Variants in ATCAY observed in about 807,000 individuals in gnomAD.
The protein encoded by ATCAY is caytaxin.
A neutral mutation model predicts 47.7 loss-of-function variants in ATCAY; 22 were observed. That is an observed-to-expected ratio of 0.46 (90% CI 0.33 to 0.66). The LOEUF (loss-of-function observed/expected upper bound fraction) is 0.66. Among genes scored for constraint, ATCAY ranks in the 30% least tolerant of loss-of-function variants. ATCAY has a pLI of 0.02. For missense variants in ATCAY, 452 were observed against 515.0 expected (o/e 0.88, Z 1.18); for synonymous variants, 216 against 207.6 (o/e 1.04, Z -0.35).
chr19:3,885,435 C>T (rs545796242), intron 1 of ATCAY, among the ~76,000 whole-genome samples: 3 of 150,970 alleles, frequency 2.0e-5, no homozygotes, highest in Admixed American at 6.6e-5. Flanking sequence ...GTGCCTGTAA[C>T]CCCAGCTACT....
chr19:3,922,639 A>G (rs1409388936), intron 12 of ATCAY, among the ~76,000 whole-genome samples: 1 of 152,230 alleles, frequency 6.6e-6, no homozygotes, highest in Non-Finnish European at 1.5e-5. Flanking sequence ...AGGATGCTCC[A>G]AGAGTTTAGA....
At chr19:3,918,941 G>GA in intron 11 of ATCAY, 64 bp downstream of exon 11, 3 of 1,576,308 alleles carry the variant, frequency 1.9e-6, no homozygotes, top group Non-Finnish European at 2.6e-6. Context: ...ACTCCCTTGG[G>GA]GGAGGCTAGA....
At chr19:3,887,754 G>A (rs1290763274) in intron 2 of ATCAY, among the ~76,000 whole-genome samples, 2 of 150,370 alleles carry the variant, frequency 1.3e-5, no homozygotes, top group East Asian at 4.1e-4. Context: ...CCAAAGTGCT[G>A]GGATTACAGG....
chr19:3,906,299 C>T lies in ATCAY; in HGVS notation c.358+644C>T, dbSNP rs531820306. On this transcript the variant is annotated intron_variant, in intron 4 of 12. Coordinates refer to ENST00000450849, the MANE Select transcript of ATCAY (RefSeq NM_033064.5). The stretch of plus-strand genomic sequence containing the variant: ...CAGGAGGAGGGTCCATCCGCTCCTG[C>T]GACTGTTTTTTTTTTTTTTTTGAGA... Among the ~76,000 whole-genome samples, 32 of 148,206 alleles carry T rather than the reference C, an allele frequency of 2.2e-4. No homozygotes were observed. In the South Asian group the frequency reaches 6.4e-3, roughly 29 times the overall value.
intron 2 of ATCAY, among the ~76,000 whole-genome samples, chr19:3,888,431 G>C (rs1360174347): frequency 6.6e-6 from 1 of 151,512 alleles, no homozygotes; most frequent in South Asian, 2.1e-4. Context: ...GGAGTTCGAG[G>C]CCAGCCTGGA....
intron 12 of ATCAY, 25 bp downstream of exon 12, chr19:3,920,823 C>T (rs571620337): frequency 6.2e-6 from 10 of 1,612,938 alleles, no homozygotes; most frequent in African/African-American, 1.3e-5. Context: ...GAGTGGTCTT[C>T]GTGCTGTTTT....
intron 2 of ATCAY, among the ~76,000 whole-genome samples, chr19:3,900,288 C>A (rs748007513): frequency 1.6e-4 from 24 of 150,084 alleles, no homozygotes; most frequent in Non-Finnish European, 2.2e-4. Context: ...GCCTCCCAGG[C>A]TCAAGCAGTC....
intron 9 of ATCAY, among the ~76,000 whole-genome samples, 146 bp from the exon 10 acceptor site, chr19:3,917,584 CAAAAAAAAAAAA>C (rs71166940): frequency 6.9e-4 from 28 of 40,834 alleles, no homozygotes; most frequent in Admixed American, 1.1e-3. Flanking sequence ...GACTCCATCT[CAAAAAAAAAAAA>C]AAAAAAAAAA....
At chr19:3,893,521 G>C (rs1057122819) in intron 2 of ATCAY, 2 of 152,156 alleles carry the variant, frequency 1.3e-5, no homozygotes, top group Non-Finnish European at 2.9e-5. Context: ...TGGACTTTGA[G>C]AGCCGGCTCT....
intron 8 of ATCAY, among the ~76,000 whole-genome samples, chr19:3,912,154 A>T (rs760967072): frequency 6.6e-6 from 1 of 152,092 alleles, no homozygotes; most frequent in Admixed American, 6.6e-5. Context: ...AAAAACTGCA[A>T]TCACTCTTGC....
At chr19:3,889,921 T>C (rs1412172206) in intron 2 of ATCAY, among the ~76,000 whole-genome samples, 3 of 151,438 alleles carry the variant, frequency 2.0e-5, no homozygotes, top group African/African-American at 7.3e-5. Flanking sequence ...CCCCTACTGA[T>C]TTTTTTTTAT....
chr19:3,912,826 A>G (rs149023578), intron 8 of ATCAY, among the ~76,000 whole-genome samples: 11,344 of 151,686 alleles, frequency 0.075, 670 homozygotes, highest in East Asian at 0.27. Context: ...TCGAGGCTGT[A>G]GTGAGCCATG....
At chr19:3,918,570 A>AT (rs1568453407) in intron 10 of ATCAY, among the ~76,000 whole-genome samples, 8 of 152,038 alleles carry the variant, frequency 5.3e-5, no homozygotes, top group East Asian at 1.9e-4. Flanking sequence ...AAAAAACAAA[A>AT]AAAAACAGCC....
chr19:3,904,234 G>A (rs1363691991), intron 3 of ATCAY, among the ~76,000 whole-genome samples: 1 of 152,228 alleles, frequency 6.6e-6, no homozygotes, highest in Admixed American at 6.5e-5. Context: ...TGAGGTGGGA[G>A]AATCACTTGA....
chr19:3,906,184 A>AAG (rs531580915), intron 4 of ATCAY, among the ~76,000 whole-genome samples: 45,986 of 148,108 alleles, frequency 0.31, 8,745 homozygotes, highest in Non-Finnish European at 0.44. Flanking sequence ...AAAAAAAAAA[A>AAG]AGAGAGAGAG....
rs772977190 is a variant in ATCAY at position 3,907,776 on chromosome 19, G to A, written c.401G>A (p.Ser134Asn). 6.2e-7 allele frequency: 1 copy of A among 1,614,058 alleles called. No individual in the cohort carries two copies. The highest frequency in any genetic ancestry group is 1.7e-5 in the Admixed American group (1 of 60,026). ...VATAKNMPGD[S>N]ADLFGDGTTE... is the part of the protein sequence containing the mutation. Reference sequence around the variant, plus strand: ...ACCGCCAAGAACATGCCCGGGGACAGCGCGGATCTATTTGGGGACGGCACG... The same window carrying A: ...ACCGCCAAGAACATGCCCGGGGACAACGCGGATCTATTTGGGGACGGCACG... Residue 134 changes from serine (S) to asparagine (N), a missense_variant, in exon 5 of 13, where the codon AGC becomes AAC. Ser to Asn is a conservative substitution (Grantham distance 46). Transcript: ENST00000450849. The surrounding 1 kb of genome is among the most constrained non-coding windows in gnomAD (Gnocchi z 5.1).
At chr19:3,892,229 G>T (rs1361024421) in intron 2 of ATCAY, among the ~76,000 whole-genome samples, 1 of 150,810 alleles carries the variant, frequency 6.6e-6, no homozygotes, top group Non-Finnish European at 1.5e-5. Flanking sequence ...TCCAGACGGG[G>T]TCTTGCTCTG....
chr19:3,915,878 C>T (rs747228987), intron 9 of ATCAY, among the ~76,000 whole-genome samples: 15 of 151,718 alleles, frequency 9.9e-5, no homozygotes, highest in Non-Finnish European at 1.3e-4. Context: ...TTAGTAGAGA[C>T]GGAGTTTTGT....
intron 10 of ATCAY, 99 bp downstream of exon 10, chr19:3,917,876 A>G: frequency 7.3e-7 from 1 of 1,378,190 alleles, no homozygotes; most frequent in South Asian, 1.4e-5. Flanking sequence ...GGCAGCAGGG[A>G]CCATTGTCCT....
Sources: allele counts gnomAD v4.1 joint callset (sites outside exome capture counted in the v4.1 genomes callset), GRCh38; gene constraint gnomAD v4.1.1; non-coding constraint Gnocchi (gnomAD v3.1); transcripts MANE v1.5; gene names NCBI Gene and HGNC (gene_info 2026-07-23, HGNC 2026-07-21).